PTPRD: variants seen among roughly 807,000 people sequenced by gnomAD.
PTPRD encodes protein tyrosine phosphatase receptor type D, also known as receptor-type tyrosine-protein phosphatase delta.
A neutral mutation model predicts 214.5 loss-of-function variants in PTPRD; 34 were observed. The ratio of observed to expected loss-of-function variants is 0.16; its 90% CI spans 0.12 to 0.21. PTPRD has a LOEUF of 0.21. Ranked by LOEUF, PTPRD falls within the 10% of genes least tolerant of loss-of-function variation. The pLI, the probability that PTPRD is intolerant of heterozygous loss-of-function variation, is 1.00. For missense variants in PTPRD, 2,545 were observed against 2,398.7 expected, an observed-to-expected ratio of 1.06 and a Z score of -1.27; for synonymous variants, 1,128 against 845.7, an observed-to-expected ratio of 1.33 and a Z score of -5.79.
chr9:9,397,267 A>T (rs1011936345), intron 9 of PTPRD, among the ~76,000 whole-genome samples, 182 bp downstream of exon 9: 4 of 152,038 alleles, frequency 2.6e-5, no homozygotes, highest in Non-Finnish European at 5.9e-5. Context: ...ATCTGGTTGA[A>T]AACTAAAGTC....
intron 9 of PTPRD, among the ~76,000 whole-genome samples, chr9:9,221,927 C>A (rs1015086201): frequency 3.9e-5 from 6 of 151,986 alleles, no homozygotes; most frequent in Non-Finnish European, 8.8e-5. Context: ...CCACCCTAGA[C>A]CTACTGAGTC....
intron 9 of PTPRD, among the ~76,000 whole-genome samples, chr9:9,221,128 T>A (rs1197871973): frequency 6.6e-6 from 1 of 152,116 alleles, no homozygotes; most frequent in Non-Finnish European, 1.5e-5. Context: ...GAATTTCTAC[T>A]CTAAGGCTTT....
intron 9 of PTPRD, among the ~76,000 whole-genome samples, chr9:9,346,667 T>G (rs1419839874): frequency 1.3e-5 from 2 of 152,130 alleles, no homozygotes; most frequent in Non-Finnish European, 1.5e-5. Context: ...ATTTGTACTA[T>G]TCTATTAAAT....
chr9:8,520,569 A>T (rs2138774342), intron 20 of PTPRD, among the ~76,000 whole-genome samples: 1 of 152,300 alleles, frequency 6.6e-6, no homozygotes, highest in African/African-American at 2.4e-5. Flanking sequence ...TGTCTGACTC[A>T]ATTTGCAAAC....
chr9:8,440,663 T>C (rs2095518060), intron 34 of PTPRD, among the ~76,000 whole-genome samples: 1 of 152,158 alleles, frequency 6.6e-6, no homozygotes, highest in Non-Finnish European at 1.5e-5. Context: ...CTTTTTATTT[T>C]GAAGCTATGA....
intron 3 of PTPRD, among the ~76,000 whole-genome samples, chr9:10,156,255 T>G (rs921909160): frequency 2.0e-5 from 3 of 152,058 alleles, no homozygotes; most frequent in Non-Finnish European, 2.9e-5. Context: ...TGTTCTAACT[T>G]TTTAATGTGA....
intron 4 of PTPRD, among the ~76,000 whole-genome samples, chr9:10,020,209 A>G (rs1225983400): frequency 6.6e-6 from 1 of 152,210 alleles, no homozygotes; most frequent in East Asian, 1.9e-4. Context: ...TTATTTGGAC[A>G]TTGTTTTCTC....
intron 10 of PTPRD, among the ~76,000 whole-genome samples, chr9:9,025,703 GC>G (rs2099584715): frequency 6.6e-6 from 1 of 151,886 alleles, no homozygotes; most frequent in Non-Finnish European, 1.5e-5. Flanking sequence ...AAAAGCATGA[GC>G]TTTGAGGACA....
chr9:9,113,600 G>T (rs2099809192), intron 10 of PTPRD, among the ~76,000 whole-genome samples: 1 of 152,106 alleles, frequency 6.6e-6, no homozygotes, highest in African/African-American at 2.4e-5. Flanking sequence ...TCCAGTCCCA[G>T]ATTTGTGTAA....
chr9:10,403,083 T>G (rs913759641), intron 2 of PTPRD, among the ~76,000 whole-genome samples: 1 of 151,212 alleles, frequency 6.6e-6, no homozygotes, highest in Non-Finnish European at 1.5e-5. Context: ...CAATATGTAT[T>G]GCCATAGATT....
chr9:10,250,388 C>T (rs1231246242), intron 3 of PTPRD, among the ~76,000 whole-genome samples: 1 of 151,998 alleles, frequency 6.6e-6, no homozygotes, highest in African/African-American at 2.4e-5. Flanking sequence ...TGAACTCCTG[C>T]CAAGACAAGA....
chr9:10,249,400 C>T (rs1040649595), intron 3 of PTPRD, among the ~76,000 whole-genome samples: 22 of 152,062 alleles, frequency 1.4e-4, no homozygotes, highest in African/African-American at 5.1e-4. Context: ...TCTATAGGAA[C>T]CACGAGAAAG....
At chr9:10,219,731 A>G (rs903520217) in intron 3 of PTPRD, among the ~76,000 whole-genome samples, 7 of 151,734 alleles carry the variant, frequency 4.6e-5, no homozygotes, top group African/African-American at 1.7e-4. Flanking sequence ...TCTCTTTTTA[A>G]CTAGTAAGAA....
At chr9:8,623,983 T>C (rs1049434669) in intron 14 of PTPRD, among the ~76,000 whole-genome samples, 1 of 151,978 alleles carries the variant, frequency 6.6e-6, no homozygotes, top group Non-Finnish European at 1.5e-5. Context: ...TTCTGCTTCT[T>C]CTAAAATATA....
chr9:10,571,351 T>C (rs1024841487), intron 2 of PTPRD, among the ~76,000 whole-genome samples: 2 of 152,312 alleles, frequency 1.3e-5, no homozygotes, highest in South Asian at 2.1e-4. Context: ...AGTATACAAA[T>C]ATTTTCAGGA....
chr9:9,592,882 T>C (rs533599800), intron 7 of PTPRD, among the ~76,000 whole-genome samples: 7 of 151,964 alleles, frequency 4.6e-5, no homozygotes, highest in Admixed American at 3.9e-4. Flanking sequence ...TTGTCTCTAC[T>C]AAAAATACAA....
At chr9:8,353,280 G>C (rs763188006) in intron 39 of PTPRD, among the ~76,000 whole-genome samples, 8 of 152,088 alleles carry the variant, frequency 5.3e-5, no homozygotes, top group Admixed American at 1.3e-4. Context: ...ATCAGTTTAT[G>C]ATTGTTTGCA....
chr9:10,590,751 G>T (rs1188852773), intron 2 of PTPRD, among the ~76,000 whole-genome samples: 2 of 151,572 alleles, frequency 1.3e-5, no homozygotes, highest in Non-Finnish European at 2.9e-5. Context: ...CTCTATACAG[G>T]CACTCCCCCA....
intron 14 of PTPRD, among the ~76,000 whole-genome samples, chr9:8,569,489 A>C (rs1390404463): frequency 1.3e-5 from 2 of 152,124 alleles, no homozygotes; most frequent in Non-Finnish European, 2.9e-5. Context: ...ATCTTCCATA[A>C]AAACTGGAGA....
Sources: gnomAD v4.1 joint callset for allele counts (sites outside exome capture counted in the v4.1 genomes callset) on GRCh38, gnomAD v4.1.1 for gene constraint, MANE v1.5 for transcripts, NCBI Gene and HGNC (gene_info 2026-07-23, HGNC 2026-07-21) for gene names.